GPC2: variants seen among roughly 807,000 people sequenced by gnomAD.
GPC2 encodes glypican 2, also known as glypican-2.
GPC2 carries 42 observed loss-of-function variants against 57.3 expected under a neutral mutation model. That is an observed-to-expected ratio of 0.73 (90% CI 0.57 to 0.95). The LOEUF is 0.95. Ranked by LOEUF, GPC2 falls within the 40% of genes least tolerant of loss-of-function variation. The probability of loss-of-function intolerance (pLI) is 0.00; values close to 1 mark genes in which losing one functional copy is unlikely to be tolerated. For missense variants in GPC2, 745 were observed against 793.6 expected (o/e 0.94, Z 0.74); for synonymous variants, 364 against 343.4 (o/e 1.06, Z -0.66).
In GPC2 at chr7:100,175,622, C is replaced by T. The variant is rs1333017606; in HGVS notation, c.598G>A (p.Asp200Asn). ...LCLSRLASST[D>N]GSLQPFGDSP... The stretch of plus-strand genomic sequence containing the variant: ...TCCCCAAAGGGCTGCAGAGAGCCAT[C>T]GGTAGATGAGGCCAAGCGTGAGAGG... Residue 200 changes from aspartate to asparagine, a missense_variant, in exon 3 of 10, where the codon GAT becomes AAT. Asp to Asn is a conservative substitution (Grantham distance 23, BLOSUM62 1). This residue lies in a region of GPC2 where 607 missense variants were observed against 603.9 expected (regional missense o/e 1.01). Coordinates refer to ENST00000292377, the MANE Select transcript of GPC2 (RefSeq NM_152742.3). 5.0e-6 allele frequency: 8 copies of T among 1,613,530 alleles called. No individual in the cohort carries two copies. Among genetic ancestry groups the T allele is most frequent in the African/African-American group, 1.3e-5 (1 of 74,868 alleles).
Position 100,177,054 on chromosome 7 carries a change from A to T in GPC2, c.146T>A (p.Ile49Asn). The T allele has an allele frequency of 6.5e-6, 9 of 1,390,336 alleles. No individual in the cohort carries two copies. Among genetic ancestry groups the T allele is most frequent in the Non-Finnish European group, 8.6e-6 (9 of 1,044,626 alleles). The allele number at this position is 1,390,336 out of a possible 1,614,324, so 86.1% of individuals were successfully genotyped here. Residue 49 changes from isoleucine (I) to asparagine (N), a missense_variant, in exon 1 of 10, where the codon ATC becomes AAC. Transcript: ENST00000292377. ...LGARGYSLNL[I>N]PPALISGEHL... is the part of the protein sequence containing the mutation. ...CTCACCTGAGATCAGGGCGGGAGGGATTAGGTTTAAGCTATATCCCCGGGC... is the reference window on the plus strand; with the variant it reads ...CTCACCTGAGATCAGGGCGGGAGGGTTTAGGTTTAAGCTATATCCCCGGGC...
rs531873529 is a variant in GPC2, at chr7:100,177,065, G to A, written c.135C>T (p.Ser45=). Reference sequence around the variant, plus strand: ...TCAGGGCGGGAGGGATTAGGTTTAAGCTATATCCCCGGGCCCCCAGCACCT... The same window carrying A: ...TCAGGGCGGGAGGGATTAGGTTTAAACTATATCCCCGGGCCCCCAGCACCT... ...TRQVLGARGY[S]LNLIPPALIS... Residue 45 remains serine (S), a synonymous_variant, in exon 1 of 10, where the codon AGC becomes AGT. Coordinates refer to ENST00000292377, the MANE Select transcript of GPC2 (RefSeq NM_152742.3). 6.2e-7 allele frequency: 1 copy of A among 1,611,190 alleles called. No individual in the cohort carries two copies. Among genetic ancestry groups the A allele is most frequent in the East Asian group, 2.2e-5 (1 of 44,776 alleles).
At chr7:100,172,672 T>TGTGTGTGTGTGTGTATATATATATAG (rs1799199709) in intron 5 of GPC2, among the ~76,000 whole-genome samples, 1 of 142,658 alleles carries the variant, frequency 7.0e-6, no homozygotes, top group African/African-American at 2.6e-5. Context: ...TATATATATA[T>TGTGTGTGTGTGTGTATATATATATAG]GTGTGTGTGT....
chr7:100,174,614 T>C (rs747133833), intron 4 of GPC2, 71 bp downstream of exon 4: 2 of 1,166,682 alleles, frequency 1.7e-6, no homozygotes, highest in South Asian at 1.3e-5. Context: ...TGGCTGTTTC[T>C]TCCTTGTGGG....
In GPC2 at chr7:100,174,730, C is replaced by G; in HGVS notation, c.684G>C (p.Val228=). The change falls in exon 4 of 10, where the codon GTG becomes GTC. Residue 228 remains valine, a synonymous_variant. Coordinates refer to ENST00000292377, the MANE Select transcript of GPC2 (RefSeq NM_152742.3). ...TRTLVAARAF[V]QGLETGRNVV... is the part of the protein sequence containing the mutation. ...CATTTCTTCCAGTCTCCAGGCCCTG[C>G]ACAAAGGCTCGGGCAGCCACCAGGG... 1 of 1,614,130 alleles carries G rather than the reference C, an allele frequency of 6.2e-7. No homozygotes were observed. The highest frequency in any genetic ancestry group is 8.5e-7 in the Non-Finnish European group (1 of 1,180,000).
chr7:100,171,364 C>G lies in GPC2; in HGVS notation c.1383G>C (p.Ser461=), dbSNP rs1799173321. The G allele has an allele frequency of 6.5e-7, 1 of 1,542,626 alleles. No individual in the cohort carries two copies. Among genetic ancestry groups the G allele is most frequent in the African/African-American group, 1.4e-5 (1 of 71,344 alleles). Residue 461 remains serine (S), a synonymous_variant, in exon 9 of 10, where the codon TCG becomes TCC. Coordinates refer to ENST00000292377, the MANE Select transcript of GPC2 (RefSeq NM_152742.3). The surrounding 1 kb of genome is among the most constrained non-coding windows in gnomAD (Gnocchi z 4.8). Reference sequence around the variant, plus strand: ...GCCGCCGTGTCGGGACATCGGGGCCCGAGGCGTCCACCTTGAGCTCGGGGT... The same window carrying G: ...GCCGCCGTGTCGGGACATCGGGGCCGGAGGCGTCCACCTTGAGCTCGGGGT... ...VNNPELKVDA[S]GPDVPTRRRR... is the part of the protein sequence containing the mutation.
At chr7:100,173,654 CTCTCTCTCTCTCTTTCTT>C (rs1214788620) in intron 5 of GPC2, 163 bp downstream of exon 5, 45 of 345,274 alleles carry the variant, frequency 1.3e-4, no homozygotes, top group Admixed American at 1.1e-3. Context: ...CTTTCTCTGT[CTCTCTCTCTCTCTTTCTT>C]TCTCTCTCTC....
chr7:100,174,848 G>A, intron 3 of GPC2, 83 bp from the exon 4 acceptor site: 1 of 1,026,774 alleles, frequency 9.7e-7, no homozygotes, highest in Non-Finnish European at 1.5e-6. Flanking sequence ...TGCATCAAGA[G>A]CAGTGAGGGT....
In GPC2 at chr7:100,177,345, A is replaced by T. The variant is rs1230551008; in HGVS notation, c.-146T>A. The T allele has an allele frequency of 1.5e-6, 1 of 646,402 alleles. No homozygotes were observed. The highest frequency in any genetic ancestry group is 1.9e-5 in the African/African-American group (1 of 52,902). The allele number at this position is 646,402 out of a possible 1,614,324, so 40.0% of individuals were successfully genotyped here. A position where few individuals can be genotyped will look rare whatever the true frequency, so the allele number is the denominator to read the frequency against. On this transcript the variant is annotated 5_prime_UTR_variant, in exon 1 of 10. Transcript: ENST00000292377. Reference sequence around the variant, plus strand: ...CGGAAAACTGAATACCGAGCACGATAGCTGGACCAGGCGGCATCTGCCGAG... The same window carrying T: ...CGGAAAACTGAATACCGAGCACGATTGCTGGACCAGGCGGCATCTGCCGAG...
chr7:100,175,994 A>G (rs1799267752), intron 2 of GPC2, 100 bp from the exon 3 acceptor site: 1 of 1,029,978 alleles, frequency 9.7e-7, no homozygotes, highest in Non-Finnish European at 1.4e-6. Context: ...AGAAGAGAAA[A>G]GACAAGTGAA....
At position 100,171,718 on chromosome 7, in the gene GPC2, C is replaced by G. The variant is rs1226947256; in HGVS notation, c.1171-40G>C. 1 of 1,480,158 alleles carries G rather than the reference C, an allele frequency of 6.8e-7. No homozygotes were observed. Among genetic ancestry groups the G allele is most frequent in the East Asian group, 2.7e-5 (1 of 36,978 alleles). The allele number at this position is 1,480,158 out of a possible 1,614,324, so 91.7% of individuals were successfully genotyped here. ...GGGGGCGGGGCGAGCTGGAGCGCGA[C>G]CCCCACAACCATCCCCGGCCCCGGG... On this transcript the variant is annotated intron_variant, in intron 7 of 9. Transcript: ENST00000292377. The surrounding 1 kb of genome is among the most constrained non-coding windows in gnomAD (Gnocchi z 4.8).
At position 100,176,295 on chromosome 7, in the gene GPC2, C is replaced by T; in HGVS notation, c.237G>A (p.Arg79=). 2 of 1,614,122 alleles carry T rather than the reference C, an allele frequency of 1.2e-6. No homozygotes were observed. Among genetic ancestry groups the T allele is most frequent in the African/African-American group, 2.7e-5 (2 of 75,040 alleles). Residue 79 remains arginine, a synonymous_variant, in exon 2 of 10, where the codon AGG becomes AGA. Coordinates refer to ENST00000292377, the MANE Select transcript of GPC2 (RefSeq NM_152742.3). ...CSSETEQRLI[R]ETEATFRGLV... is the part of the protein sequence containing the mutation. Reference sequence around the variant, plus strand: ...GGCCTCGGAAGGTGGCCTCAGTCTCCCTGATCAGCCTCTGCTCTGTCTCAC... The same window carrying T: ...GGCCTCGGAAGGTGGCCTCAGTCTCTCTGATCAGCCTCTGCTCTGTCTCAC...
intron 5 of GPC2, among the ~76,000 whole-genome samples, chr7:100,172,649 ATG>A (rs746734313): frequency 1.7e-5 from 2 of 118,144 alleles, no homozygotes; most frequent in African/African-American, 3.6e-5. Context: ...ATATATATAT[ATG>A]TGTGTGTGTA....
Position 100,170,262 on chromosome 7 carries a change from G to A in GPC2, c.1708C>T (p.Leu570Phe). The change falls in exon 10 of 10, where the codon CTC (leucine) becomes TTC (phenylalanine). Residue 570 changes from leucine to phenylalanine, a missense_variant. By Grantham distance (22) the Leu-to-Phe change is conservative. Transcript: ENST00000292377. The part of the protein sequence containing the change: ...FHTQTILILS[L>F]SALALLGPR ...GGTCCAAGCAGGGCCAGGGCTGAGAGGGAGAGAATGAGGATGGTTTGGGTG... is the reference window on the plus strand; with the variant it reads ...GGTCCAAGCAGGGCCAGGGCTGAGAAGGAGAGAATGAGGATGGTTTGGGTG... The A allele has an allele frequency of 2.5e-6, 4 of 1,575,026 alleles. No homozygotes were observed. The highest frequency in any genetic ancestry group is 3.4e-6 in the Non-Finnish European group (4 of 1,159,442).
At chr7:100,174,113 C>T in intron 4 of GPC2, 116 bp from the exon 5 acceptor site, 2 of 884,976 alleles carry the variant, frequency 2.3e-6, no homozygotes, top group Non-Finnish European at 3.3e-6. Flanking sequence ...GGGTTGGTGA[C>T]CCCACGTGGC....
Position 100,176,229 on chromosome 7 carries a change from A to T in GPC2, c.303T>A (p.Ala101=). Residue 101 remains alanine (A), a synonymous_variant, in exon 2 of 10, where the codon GCT becomes GCA. Coordinates refer to ENST00000292377, the MANE Select transcript of GPC2 (RefSeq NM_152742.3). The part of the protein sequence containing the change: ...DSGSFLVHTL[A]ARHRKFDEFF... ...CACCATCAAATTTTCTGTGCCTGGC[A>T]GCCAGTGTGTGAACCAGAAAGGAGC... The T allele has an allele frequency of 6.2e-7, 1 of 1,611,920 alleles. No individual in the cohort carries two copies. Among genetic ancestry groups the T allele is most frequent in the Non-Finnish European group, 8.5e-7 (1 of 1,179,044 alleles).
In GPC2 at chr7:100,171,863, G is replaced by A. The variant is rs1374220202; in HGVS notation, c.1086C>T (p.Pro362=). Residue 362 remains proline (P), a synonymous_variant, in exon 7 of 10, where the codon CCC becomes CCT. Coordinates refer to ENST00000292377, the MANE Select transcript of GPC2 (RefSeq NM_152742.3). This position sits in a 1 kb window ranked among gnomAD's most constrained non-coding sequence, Gnocchi z 4.8. The part of the protein sequence containing the change: ...VPARNRRAPP[P]REEAGRLWSM... ...ACCACAGCCGGCCCGCCTCTTCCCG[G>A]GGCGGCGGGGCTCGACGGTTGCGGG... is the stretch of plus-strand genomic sequence containing the variant. The A allele has an allele frequency of 6.5e-7, 1 of 1,542,830 alleles. No homozygotes were observed. Among genetic ancestry groups the A allele is most frequent in the East Asian group, 2.4e-5 (1 of 42,380 alleles).
Position 100,171,571 on chromosome 7 carries a change from C to T in GPC2, c.1278G>A (p.Ala426=). 1.3e-6 allele frequency: 2 copies of T among 1,499,230 alleles called. No individual in the cohort carries two copies. Among genetic ancestry groups the T allele is most frequent in the Non-Finnish European group, 1.8e-6 (2 of 1,135,258 alleles). The allele number at this position is 1,499,230 out of a possible 1,614,324, so 92.9% of individuals were successfully genotyped here. A position where few individuals can be genotyped will look rare whatever the true frequency, so the allele number is the denominator to read the frequency against. The change falls in exon 8 of 10, where the codon GCG becomes GCA. Residue 426 remains alanine, a synonymous_variant. Transcript: ENST00000292377. The surrounding 1 kb of genome is among the most constrained non-coding windows in gnomAD (Gnocchi z 4.8). ...GCCCGGCTCCGGTCCAGCAGGGCGCCGCCTCCAGCGAGGCGTCCGCTGCCA... is the reference window on the plus strand; with the variant it reads ...GCCCGGCTCCGGTCCAGCAGGGCGCTGCCTCCAGCGAGGCGTCCGCTGCCA... ...SRMAADASLE[A]APCWTGAGRG...
At position 100,176,026 on chromosome 7, in the gene GPC2, G is replaced by C. The variant is rs1799268831; in HGVS notation, c.326-132C>G. The stretch of plus-strand genomic sequence containing the variant: ...TGAATCAGAAACTGAGTAACTCTCA[G>C]AGATGGGGCAGACAGGGAATGGGGG... On this transcript the variant is annotated intron_variant, in intron 2 of 9. Transcript: ENST00000292377. 6.9e-6 allele frequency: 6 copies of C among 871,166 alleles called. 1 individual carries two copies. The highest frequency in any genetic ancestry group is 1.1e-5 in the Non-Finnish European group (6 of 566,160). 54.0% of individuals were successfully genotyped at this position (871,166 alleles called of 1,614,324 possible). A position where few individuals can be genotyped will look rare whatever the true frequency, so the allele number is the denominator to read the frequency against.
Sources: gnomAD v4.1 joint callset for allele counts (sites outside exome capture counted in the v4.1 genomes callset) on GRCh38, gnomAD v4.1.1 for gene constraint, gnomAD v4.1.1 regional missense constraint, Gnocchi (gnomAD v3.1) non-coding constraint, MANE v1.5 for transcripts, NCBI Gene and HGNC (gene_info 2026-07-23, HGNC 2026-07-21) for gene names.